Variants in SOS2 observed in about 807,000 individuals in gnomAD.
SOS2 encodes SOS Ras/Rho guanine nucleotide exchange factor 2, also known as son of sevenless homolog 2.
A neutral mutation model predicts 148.2 loss-of-function variants in SOS2; 65 were observed. That is an observed-to-expected ratio of 0.44 (90% confidence interval 0.36 to 0.54). The LOEUF is 0.54. Among genes scored for constraint, SOS2 ranks in the 20% least tolerant of loss-of-function variants. The pLI is 0.00. For missense variants in SOS2, 1,341 were observed against 1,590.2 expected (o/e 0.84, Z 2.67); for synonymous variants, 539 against 537.1 (o/e 1.00, Z -0.05).
At chr14:50,123,840 G>T (rs1462054749) in intron 21 of SOS2, among the ~76,000 whole-genome samples, 1 of 152,182 alleles carries the variant, frequency 6.6e-6, no homozygotes, top group Non-Finnish European at 1.5e-5. Context: ...CTTGGACCAG[G>T]GTGGCAGCAG....
At chr14:50,196,412 T>C (rs1002429774) in intron 4 of SOS2, among the ~76,000 whole-genome samples, 1 of 152,202 alleles carries the variant, frequency 6.6e-6, no homozygotes, top group African/African-American at 2.4e-5. Flanking sequence ...ATCCTTTTTT[T>C]GTGTTACAAA....
intron 1 of SOS2, among the ~76,000 whole-genome samples, chr14:50,206,333 T>A (rs1012672497): frequency 1.2e-4 from 19 of 152,244 alleles, no homozygotes; most frequent in African/African-American, 4.6e-4. Context: ...TCCTTCAGTG[T>A]CTGTGGGAAA....
At chr14:50,202,515 C>T (rs1886525825) in intron 2 of SOS2, among the ~76,000 whole-genome samples, 1 of 151,834 alleles carries the variant, frequency 6.6e-6, no homozygotes, top group South Asian at 2.1e-4. Context: ...GGGAGGATCC[C>T]TTGAGGCCAG....
intron 12 of SOS2, 131 bp from the exon 13 acceptor site, chr14:50,153,304 TTTAA>T (rs1209131545): frequency 1.2e-5 from 6 of 502,218 alleles, no homozygotes; most frequent in Non-Finnish European, 2.2e-5. Context: ...CTAATCTGTA[TTTAA>T]TTAATACTTT....
At chr14:50,187,379 G>A (rs1349295552) in intron 5 of SOS2, among the ~76,000 whole-genome samples, 3 of 130,204 alleles carry the variant, frequency 2.3e-5, no homozygotes, top group South Asian at 2.3e-4. Context: ...AAGAAGTCTC[G>A]CTCTGTCGCC....
chr14:50,118,762 C>G lies in SOS2; in HGVS notation c.3581G>C (p.Gly1194Ala). ...KVKPRVPVPT[G>A]AFDGPLHSPP... is the part of the protein sequence containing the mutation. ...ACTATGCAGAGGCCCATCAAATGCACCAGTAGGAACAGGAACTCTGGGTTT... is the reference window on the plus strand; with the variant it reads ...ACTATGCAGAGGCCCATCAAATGCAGCAGTAGGAACAGGAACTCTGGGTTT... The change falls in exon 23 of 23, where the codon GGT (glycine) becomes GCT (alanine). Residue 1194 changes from glycine to alanine, a missense_variant. Transcript: ENST00000216373. 2 of 1,606,352 alleles carry G rather than the reference C, an allele frequency of 1.2e-6. No individual in the cohort carries two copies. Among genetic ancestry groups the G allele is most frequent in the Non-Finnish European group, 8.5e-7 (1 of 1,177,008 alleles).
intron 8 of SOS2, 113 bp from the exon 9 acceptor site, chr14:50,161,722 A>G (rs998603866): frequency 2.3e-6 from 2 of 869,582 alleles, no homozygotes; most frequent in Non-Finnish European, 3.4e-6. Context: ...AATTTTATAT[A>G]TACTTAATAA....
intron 2 of SOS2, among the ~76,000 whole-genome samples, chr14:50,202,487 A>C (rs1421388404): frequency 1.3e-5 from 2 of 151,728 alleles, no homozygotes; most frequent in Non-Finnish European, 2.9e-5. Context: ...AAGTCTCAGC[A>C]CTTTGGGAGA....
Position 50,199,854 on chromosome 14 carries a change from T to C in SOS2, c.347A>G (p.Glu116Gly). The change falls in exon 4 of 23, where the codon GAA becomes GGA. Residue 116 changes from glutamate to glycine, a missense_variant and splice_region_variant. Glu to Gly is a moderately conservative substitution (Grantham distance 98, BLOSUM62 -2). This residue lies in a region of SOS2 where 574 missense variants were observed against 711.1 expected (regional missense o/e 0.81). Coordinates refer to ENST00000216373, the MANE Select transcript of SOS2 (RefSeq NM_006939.4). ...PVDKIHPSLK[E>G]VLGYKVDYHV... ...GTAGTCCACTTTGTACCCTAATACT[T>C]CCTGTGAAAAGAATAAATAATTTAA... 4 of 1,551,430 alleles carry C rather than the reference T, an allele frequency of 2.6e-6. No individual in the cohort carries two copies. Among genetic ancestry groups the C allele is most frequent in the Non-Finnish European group, 3.5e-6 (4 of 1,140,528 alleles).
intron 14 of SOS2, among the ~76,000 whole-genome samples, chr14:50,147,568 C>T (rs907922914): frequency 6.1e-5 from 9 of 147,710 alleles, no homozygotes; most frequent in Non-Finnish European, 1.2e-4. Context: ...GTTTATGAAT[C>T]TCCGTGTATG....
intron 1 of SOS2, among the ~76,000 whole-genome samples, chr14:50,217,226 T>C (rs558897608): frequency 8.9e-4 from 136 of 152,212 alleles, no homozygotes; most frequent in Admixed American, 1.8e-3. Context: ...GCCTTTTCAA[T>C]AAATGGTGAC....
intron 3 of SOS2, among the ~76,000 whole-genome samples, chr14:50,200,073 T>C (rs1886438023): frequency 6.6e-6 from 1 of 152,202 alleles, no homozygotes; most frequent in Admixed American, 6.5e-5. Context: ...CTGCCTTTTA[T>C]CAAACAACAA....
chr14:50,218,022 G>A (rs1321835188), intron 1 of SOS2, among the ~76,000 whole-genome samples: 5 of 151,632 alleles, frequency 3.3e-5, no homozygotes, highest in Admixed American at 2.6e-4. Flanking sequence ...TATAGGCCAG[G>A]TGCAGTGGCT....
At chr14:50,157,358 G>A (rs1486445846) in intron 11 of SOS2, among the ~76,000 whole-genome samples, 1 of 151,954 alleles carries the variant, frequency 6.6e-6, no homozygotes, top group African/African-American at 2.4e-5. Flanking sequence ...TACAGAAAAG[G>A]TCCAGGGAAA....
At chr14:50,202,583 A>C (rs1886528816) in intron 2 of SOS2, among the ~76,000 whole-genome samples, 1 of 152,082 alleles carries the variant, frequency 6.6e-6, no homozygotes, top group Admixed American at 6.6e-5. Flanking sequence ...AAAAATTTAA[A>C]AATTAGCCAG....
chr14:50,180,170 A>G (rs1885684559), intron 7 of SOS2, among the ~76,000 whole-genome samples: 1 of 151,066 alleles, frequency 6.6e-6, no homozygotes, highest in Admixed American at 6.6e-5. Flanking sequence ...CGCCCAGCTA[A>G]CTTGTGCAAT....
At chr14:50,186,869 T>C (rs1488275377) in intron 5 of SOS2, among the ~76,000 whole-genome samples, 1 of 152,222 alleles carries the variant, frequency 6.6e-6, no homozygotes, top group Non-Finnish European at 1.5e-5. Flanking sequence ...TTAAAACTCA[T>C]TCTTTTGGAA....
At chr14:50,194,365 G>A (rs879896294) in intron 4 of SOS2, among the ~76,000 whole-genome samples, 4 of 151,106 alleles carry the variant, frequency 2.6e-5, no homozygotes, top group East Asian at 1.9e-4. Flanking sequence ...CTAAAAGGCA[G>A]GAATGAAGAA....
At chr14:50,190,098 C>T (rs1458811397) in intron 4 of SOS2, among the ~76,000 whole-genome samples, 2 of 152,018 alleles carry the variant, frequency 1.3e-5, no homozygotes, top group Non-Finnish European at 2.9e-5. Flanking sequence ...AGTGATCCAC[C>T]TGCCTCAGCC....
Sources: gnomAD v4.1 joint callset for allele counts (sites outside exome capture counted in the v4.1 genomes callset) on GRCh38, gnomAD v4.1.1 for gene constraint, gnomAD v4.1.1 regional missense constraint, MANE v1.5 for transcripts, NCBI Gene and HGNC (gene_info 2026-07-23, HGNC 2026-07-21) for gene names.